The following STK24 variants were observed in gnomAD, a reference collection of about 807,000 sequenced individuals.
STK24 encodes the protein serine/threonine kinase 24.
In STK24, 21 loss-of-function variants were observed where a neutral mutation model predicts 55.6. The ratio of observed to expected loss-of-function variants is 0.38; its 90% CI spans 0.27 to 0.54. The LOEUF is 0.54. Ranked by LOEUF, STK24 falls within the 20% of genes least tolerant of loss-of-function variation. The pLI, the probability that STK24 is intolerant of heterozygous loss-of-function variation, is 0.79. For missense variants in STK24, 383 were observed against 538.4 expected, an observed-to-expected ratio of 0.71 and a Z score of 2.86; for synonymous variants, 200 against 215.2, an observed-to-expected ratio of 0.93 and a Z score of 0.62.
In STK24 at chr13:98,511,487, C is replaced by CA. The variant is rs1340866616; in HGVS notation, c.273+7755dup. ...AAAAATGAAAAACTTATGTTCATACCAAAAAAGTGCATCAATATTCATAGC... is the reference window on the plus strand; with the variant it reads ...AAAAATGAAAAACTTATGTTCATACCAAAAAAAGTGCATCAATATTCATAGC... On this transcript the variant is annotated intron_variant, in intron 2 of 10. Coordinates refer to ENST00000539966, the MANE Select transcript of STK24 (RefSeq NM_001032296.4). Among the ~76,000 whole-genome samples the CA allele has an allele frequency of 2.6e-5, 4 of 152,202 alleles. No homozygotes were observed. The East Asian group carries it at 5.8e-4, about 22-fold the overall frequency.
At chr13:98,482,668 C>T (rs1306933713) in intron 2 of STK24, among the ~76,000 whole-genome samples, 3 of 152,214 alleles carry the variant, frequency 2.0e-5, no homozygotes, top group African/African-American at 7.2e-5. Context: ...ACAGTGAGAG[C>T]TGAGAACTTG....
At chr13:98,502,422 T>C (rs1895506145) in intron 2 of STK24, among the ~76,000 whole-genome samples, 4 of 152,152 alleles carry the variant, frequency 2.6e-5, no homozygotes, top group Non-Finnish European at 5.9e-5. Context: ...AGAAACAAAA[T>C]GACTTCCACA....
chr13:98,471,962 A>C (rs1468794383), intron 5 of STK24, among the ~76,000 whole-genome samples: 1 of 152,218 alleles, frequency 6.6e-6, no homozygotes, highest in Admixed American at 6.5e-5. Context: ...CAAGTCATGC[A>C]AGAGAGAATG....
intron 1 of STK24, among the ~76,000 whole-genome samples, chr13:98,558,654 G>C (rs954104976): frequency 1.3e-5 from 2 of 152,138 alleles, no homozygotes; most frequent in Non-Finnish European, 2.9e-5. Context: ...TGGAGTAAAA[G>C]GCTTTTCTAG....
Position 98,539,539 on chromosome 13 carries a change from C to T in STK24, c.43-20066G>A, listed in dbSNP as rs191676090. Among the ~76,000 whole-genome samples, 38 of 150,792 alleles carry T rather than the reference C, an allele frequency of 2.5e-4. 1 individual carries two copies. Among genetic ancestry groups the T allele is most frequent in the African/African-American group, 8.1e-4 (33 of 40,928 alleles). On this transcript the variant is annotated intron_variant, in intron 1 of 10. Coordinates refer to ENST00000539966, the MANE Select transcript of STK24 (RefSeq NM_001032296.4). The stretch of plus-strand genomic sequence containing the variant: ...TCAGGCTGGCCCAGTGTTCTTCTCT[C>T]GACTTGATCTCTGCAAAGCTCCATT...
At chr13:98,477,197 C>T (rs1271160391) in intron 3 of STK24, among the ~76,000 whole-genome samples, 1 of 152,236 alleles carries the variant, frequency 6.6e-6, no homozygotes, top group African/African-American at 2.4e-5. Flanking sequence ...TGCCTTAAGT[C>T]AGCTTTCTCC....
intron 5 of STK24, among the ~76,000 whole-genome samples, chr13:98,468,642 T>C (rs1448537215): frequency 4.6e-5 from 7 of 152,246 alleles, no homozygotes; most frequent in Admixed American, 4.6e-4. Context: ...CCCCCAGGCC[T>C]CTCAGATTTC....
At chr13:98,490,047 C>A (rs571676851) in intron 2 of STK24, among the ~76,000 whole-genome samples, 1 of 152,166 alleles carries the variant, frequency 6.6e-6, no homozygotes, top group Non-Finnish European at 1.5e-5. Context: ...AAGCCAGAAG[C>A]CAAGATGGTG....
At chr13:98,504,214 A>C (rs1287147579) in intron 2 of STK24, among the ~76,000 whole-genome samples, 1 of 152,112 alleles carries the variant, frequency 6.6e-6, no homozygotes, top group Non-Finnish European at 1.5e-5. Context: ...CAAAAAAAAA[A>C]CAAACTTTAA....
At chr13:98,504,817 G>GTT (rs1271152994) in intron 2 of STK24, among the ~76,000 whole-genome samples, 1 of 152,200 alleles carries the variant, frequency 6.6e-6, no homozygotes, top group Non-Finnish European at 1.5e-5. Context: ...ACAGCCTCCA[G>GTT]TACTCCATCC....
intron 1 of STK24, among the ~76,000 whole-genome samples, chr13:98,545,623 A>G (rs1467392355): frequency 1.3e-3 from 170 of 131,864 alleles, no homozygotes; most frequent in African/African-American, 4.6e-3. Flanking sequence ...GACAGAGCAA[A>G]ACTCCATCTC....
At chr13:98,541,291 C>T (rs940977159) in intron 1 of STK24, among the ~76,000 whole-genome samples, 8 of 152,214 alleles carry the variant, frequency 5.3e-5, no homozygotes, top group Non-Finnish European at 1.5e-5. Flanking sequence ...TCCAGTTCAT[C>T]TGCATCTCAT....
intron 2 of STK24, among the ~76,000 whole-genome samples, chr13:98,493,792 T>C (rs910909999): frequency 4.0e-5 from 6 of 151,834 alleles, no homozygotes; most frequent in Admixed American, 6.6e-5. Flanking sequence ...AGTCAGAAAG[T>C]ATGTCTGAGA....
intron 1 of STK24, among the ~76,000 whole-genome samples, chr13:98,558,542 A>G (rs1057070803): frequency 2.0e-5 from 3 of 152,190 alleles, no homozygotes. Flanking sequence ...ACCCAGAAAC[A>G]TAAAGAAAAC....
intron 1 of STK24, among the ~76,000 whole-genome samples, chr13:98,567,982 G>A (rs1249103303): frequency 3.3e-5 from 5 of 149,834 alleles, no homozygotes; most frequent in South Asian, 2.1e-4. Context: ...ACGCTAAACC[G>A]GAGGTGCAGA....
intron 2 of STK24, among the ~76,000 whole-genome samples, chr13:98,493,717 A>C (rs534843399): frequency 6.6e-6 from 1 of 152,320 alleles, no homozygotes; most frequent in Admixed American, 6.5e-5. Flanking sequence ...AACCAAAAAA[A>C]GTGATTTTTT....
intron 1 of STK24, among the ~76,000 whole-genome samples, chr13:98,572,409 G>A (rs1897765802): frequency 2.0e-5 from 3 of 152,112 alleles, no homozygotes; most frequent in Non-Finnish European, 4.4e-5. Context: ...AACTGGGCAG[G>A]CACCTCCCAA....
intron 2 of STK24, among the ~76,000 whole-genome samples, chr13:98,489,538 T>C (rs1372669556): frequency 6.6e-6 from 1 of 152,198 alleles, no homozygotes; most frequent in African/African-American, 2.4e-5. Flanking sequence ...CAGGAACTTC[T>C]AATGACAGAA....
intron 1 of STK24, among the ~76,000 whole-genome samples, chr13:98,563,880 C>A (rs1477617309): frequency 6.6e-6 from 1 of 151,534 alleles, no homozygotes; most frequent in Non-Finnish European, 1.5e-5. Context: ...AAAAAAGTTT[C>A]CAATTCCTCA....
Sources: gnomAD v4.1 joint callset for allele counts (sites outside exome capture counted in the v4.1 genomes callset) on GRCh38, gnomAD v4.1.1 for gene constraint, MANE v1.5 for transcripts, NCBI Gene and HGNC (gene_info 2026-07-23, HGNC 2026-07-21) for gene names.